The following ASPRV1 variants were observed in gnomAD, a reference collection of about 807,000 sequenced individuals.
ASPRV1 encodes the protein aspartic peptidase retroviral like 1, also known as retroviral-like aspartic protease 1.
ASPRV1 carries 7 observed loss-of-function variants against 11.0 expected under a neutral mutation model. That is an observed-to-expected ratio of 0.64 (90% CI 0.36 to 1.20). ASPRV1 has a LOEUF of 1.20. Ranked by LOEUF, ASPRV1 falls within the 50% of genes most tolerant of loss-of-function variation. The pLI is 0.02. For synonymous variants in ASPRV1, 136 were observed against 138.4 expected (o/e 0.98, Z 0.12); for missense variants, 299 against 320.0 (o/e 0.93, Z 0.50).
the ASPRV1 span, among the ~76,000 whole-genome samples, chr2:70,027,744 T>C: frequency 4.1e-3 from 625 of 152,286 alleles, 2 homozygotes; most frequent in African/African-American, 0.014. Context: ...AACATATAGT[T>C]AGATAAAAGG....
the ASPRV1 span, among the ~76,000 whole-genome samples, chr2:70,067,919 A>C: frequency 6.6e-6 from 1 of 152,158 alleles, no homozygotes; most frequent in East Asian, 1.9e-4. Flanking sequence ...GCAGGAGGAG[A>C]AGCTTACAAA....
the ASPRV1 span, among the ~76,000 whole-genome samples, chr2:69,970,191 C>T: frequency 2.0e-5 from 3 of 152,134 alleles, no homozygotes; most frequent in African/African-American, 7.2e-5. Context: ...CTCCTGCCTC[C>T]ATGCCTCTTC....
chr2:69,999,408 T>C, the ASPRV1 span, among the ~76,000 whole-genome samples: 3 of 151,966 alleles, frequency 2.0e-5, no homozygotes, highest in Admixed American at 6.6e-5. Flanking sequence ...AATCCCAGTA[T>C]TTTGGGAGGC....
At chr2:70,082,296 T>C in the ASPRV1 span, among the ~76,000 whole-genome samples, 1 of 152,088 alleles carries the variant, frequency 6.6e-6, no homozygotes, top group African/African-American at 2.4e-5. Context: ...AGGCCAGGCA[T>C]GGTGACTCAC....
chr2:69,963,109 C>A, upstream of ASPRV1: 1 of 374,618 alleles, frequency 2.7e-6, no homozygotes. Context: ...CTCTGGATGG[C>A]CCAGGTCCCC....
chr2:69,966,588 T>G (rs916574220), upstream of ASPRV1, among the ~76,000 whole-genome samples: 1 of 152,212 alleles, frequency 6.6e-6, no homozygotes, highest in African/African-American at 2.4e-5. Flanking sequence ...CTGCAATTAG[T>G]GAAATATTCA....
chr2:69,977,850 G>A, the ASPRV1 span, among the ~76,000 whole-genome samples: 1 of 152,216 alleles, frequency 6.6e-6, no homozygotes, highest in Non-Finnish European at 1.5e-5. Flanking sequence ...GTGAAGAAAA[G>A]GAGGTGACAA....
At chr2:69,998,841 G>A in the ASPRV1 span, among the ~76,000 whole-genome samples, 2 of 152,184 alleles carry the variant, frequency 1.3e-5, no homozygotes, top group African/African-American at 4.8e-5. Flanking sequence ...GGCTGGGAGA[G>A]GGCACTGGCT....
At chr2:69,982,748 C>T in the ASPRV1 span, among the ~76,000 whole-genome samples, 1 of 152,104 alleles carries the variant, frequency 6.6e-6, no homozygotes, top group Non-Finnish European at 1.5e-5. Flanking sequence ...AGGCCTGCAG[C>T]TGGTCACCAC....
At chr2:70,086,688 G>A in the ASPRV1 span, among the ~76,000 whole-genome samples, 1 of 152,250 alleles carries the variant, frequency 6.6e-6, no homozygotes, top group Non-Finnish European at 1.5e-5. Context: ...GGAAAAGGGT[G>A]CCGCGGTGGA....
chr2:70,053,483 T>C, the ASPRV1 span, among the ~76,000 whole-genome samples: 1 of 152,196 alleles, frequency 6.6e-6, no homozygotes, highest in South Asian at 2.1e-4. Flanking sequence ...AGGCTCTGTG[T>C]TAAGTGCTTT....
the ASPRV1 span, among the ~76,000 whole-genome samples, chr2:70,052,955 A>C: frequency 6.6e-6 from 1 of 152,142 alleles, no homozygotes; most frequent in East Asian, 1.9e-4. Flanking sequence ...TTGGCACACA[A>C]GGCCTACATC....
chr2:70,027,259 CAAAAAAAAAA>C, the ASPRV1 span, among the ~76,000 whole-genome samples: 3 of 49,666 alleles, frequency 6.0e-5, no homozygotes, highest in African/African-American at 1.9e-4. Context: ...CCCTGTCTCT[CAAAAAAAAAA>C]AAAAAAAAAA....
At chr2:70,008,526 C>A in the ASPRV1 span, among the ~76,000 whole-genome samples, 2 of 151,940 alleles carry the variant, frequency 1.3e-5, no homozygotes, top group African/African-American at 2.4e-5. Context: ...CGGCCTAGTC[C>A]AACCTTGTCC....
the ASPRV1 span, chr2:69,937,457 A>G: frequency 2.6e-6 from 3 of 1,165,186 alleles, no homozygotes; most frequent in Admixed American, 5.1e-5. Flanking sequence ...GCAGGGGTTC[A>G]GTACTGCGGA....
chr2:70,061,394 C>CAA, the ASPRV1 span, among the ~76,000 whole-genome samples: 131 of 77,812 alleles, frequency 1.7e-3, 1 homozygote, highest in East Asian at 3.1e-3. Flanking sequence ...GACTCTGTCT[C>CAA]AAAAAAAAAA....
At chr2:69,993,534 C>T in the ASPRV1 span, 1 of 152,184 alleles carries the variant, frequency 6.6e-6, no homozygotes, top group Admixed American at 6.5e-5. Flanking sequence ...TCTCCAAGGT[C>T]CTGTGAGAAG....
the ASPRV1 span, chr2:69,997,825 C>G: frequency 1.3e-5 from 2 of 152,250 alleles, no homozygotes; most frequent in East Asian, 1.9e-4. Context: ...GACACATACT[C>G]CTAGTTAAGA....
the ASPRV1 span, among the ~76,000 whole-genome samples, chr2:69,949,018 G>A: frequency 1.3e-5 from 2 of 152,118 alleles, no homozygotes; most frequent in Non-Finnish European, 2.9e-5. Context: ...CCGTGTCCTT[G>A]AGGACCCCCG....
Sources: allele counts gnomAD v4.1 joint callset (sites outside exome capture counted in the v4.1 genomes callset), GRCh38; gene constraint gnomAD v4.1.1; transcripts MANE v1.5; gene names NCBI Gene and HGNC (gene_info 2026-07-23, HGNC 2026-07-21).